The following LZTS3 variants were observed in gnomAD, a reference collection of about 807,000 sequenced individuals.
The protein encoded by LZTS3 is leucine zipper putative tumor suppressor 3.
LZTS3 carries 16 observed loss-of-function variants against 50.9 expected under a neutral mutation model. That is an observed-to-expected ratio of 0.31 (90% CI 0.21 to 0.48). The LOEUF is 0.48. LZTS3 is among the 20% of genes least tolerant of loss of function. LZTS3 has a pLI of 0.99. For missense variants in LZTS3, 816 were observed against 931.0 expected, an observed-to-expected ratio of 0.88 and a Z score of 1.61; for synonymous variants, 408 against 410.6, an observed-to-expected ratio of 0.99 and a Z score of 0.08.
intron 1 of LZTS3, among the ~76,000 whole-genome samples, chr20:3,170,037 G>C (rs985383929): frequency 6.6e-6 from 1 of 152,146 alleles, no homozygotes; most frequent in African/African-American, 2.4e-5. Context: ...AGGAGAAGGT[G>C]GGCCCTGAAG....
intron 1 of LZTS3, among the ~76,000 whole-genome samples, chr20:3,172,563 C>T (rs1600457590): frequency 1.3e-5 from 2 of 152,102 alleles, no homozygotes; most frequent in Admixed American, 1.3e-4. Context: ...TCCCTGATCT[C>T]CACCCCCCAG....
chr20:3,167,870 T>C lies in LZTS3; in HGVS notation c.-151A>G. 1 of 985,390 alleles carries C rather than the reference T, an allele frequency of 1.0e-6. No homozygotes were observed. The highest frequency in any genetic ancestry group is 1.2e-6 in the Non-Finnish European group (1 of 829,904). 61.0% of individuals were successfully genotyped at this position (985,390 alleles called of 1,614,324 possible). ...TCCGAGGCCCGGTCTGCAGGGGCCA[T>C]GTGCCTCACTCTCGCAGTCGGGGCT... On this transcript the variant is annotated 5_prime_UTR_variant, in exon 2 of 5. The change abolishes an upstream ATG in the 5' untranslated region. Transcript: ENST00000337576.
In LZTS3 at chr20:3,164,636, C is replaced by CCTCCA. The variant is rs2066779099; in HGVS notation, c.1839_1840insTGGAG (p.Glu614TrpfsTer10). The stretch of plus-strand genomic sequence containing the variant: ...CTCAGCTGCAGCTGCTTCTGGTACT[C>CCTCCA]GATCACCTTCTCCTTCTCCTCCAGC... On this transcript the variant is annotated frameshift_variant, in exon 5 of 5. Coordinates refer to ENST00000337576, the MANE Select transcript of LZTS3 (RefSeq NM_001365618.1). LOFTEE classifies it high-confidence loss of function. 14 of 1,613,106 alleles carry CCTCCA rather than the reference C, an allele frequency of 8.7e-6. No individual in the cohort carries two copies. Among genetic ancestry groups the CCTCCA allele is most frequent in the Non-Finnish European group, 1.2e-5 (14 of 1,179,522 alleles).
Position 3,165,805 on chromosome 20 carries a change from G to T in LZTS3, c.1015C>A (p.Arg339=), listed in dbSNP as rs1282850411. 1.3e-6 allele frequency: 2 copies of T among 1,597,456 alleles called. No homozygotes were observed. The highest frequency in any genetic ancestry group is 2.7e-5 in the African/African-American group (2 of 74,828). The part of the protein sequence containing the change: ...WEKEQEVAAL[R]RSLEQSEAAV... ...GCCTCGCTCTGCTCCAGGCTGCGCC[G>T]CAGAGCTGCCACCTCCTGCTCCTTC... The change falls in exon 4 of 5, where the codon CGG becomes AGG. Residue 339 remains arginine (R), a synonymous_variant. Coordinates refer to ENST00000337576, the MANE Select transcript of LZTS3 (RefSeq NM_001365618.1). This position sits in a 1 kb window ranked among gnomAD's most constrained non-coding sequence, Gnocchi z 5.0.
At position 3,165,195 on chromosome 20, in the gene LZTS3, G is replaced by C. The variant is rs1323303728; in HGVS notation, c.1324-43C>G. 10 of 1,463,684 alleles carry C rather than the reference G, an allele frequency of 6.8e-6. No homozygotes were observed. Among genetic ancestry groups the C allele is most frequent in the Non-Finnish European group, 9.1e-6 (10 of 1,102,086 alleles). The allele number at this position is 1,463,684 out of a possible 1,614,324, so 90.7% of individuals were successfully genotyped here. A position where few individuals can be genotyped will look rare whatever the true frequency, so the allele number is the denominator to read the frequency against. On this transcript the variant is annotated intron_variant, in intron 4 of 4. Transcript: ENST00000337576. This position sits in a 1 kb window ranked among gnomAD's most constrained non-coding sequence, Gnocchi z 5.0. ...AGAGGAGAAGCCAGGTAAAGGCAGAGCTCTGCTCACCCCAACCCAGCTACC... is the reference window on the plus strand; with the variant it reads ...AGAGGAGAAGCCAGGTAAAGGCAGACCTCTGCTCACCCCAACCCAGCTACC...
chr20:3,171,406 C>T (rs539691926), intron 1 of LZTS3, among the ~76,000 whole-genome samples: 62 of 152,206 alleles, frequency 4.1e-4, no homozygotes, highest in Admixed American at 7.8e-4. Flanking sequence ...GCCTAAAGAG[C>T]TTCTTGTCGT....
In LZTS3 at chr20:3,166,844, T is replaced by C. The variant is rs974679773; in HGVS notation, c.320A>G (p.Asp107Gly). ...CACGTTGCCACAGACATCGGTGTGG[T>C]CACTGCCCCGCAGCTCACCATTGAG... The part of the protein sequence containing the change: ...LYLNGELRGS[D>G]HTDVCGNVVG... The change falls in exon 3 of 5, where the codon GAC becomes GGC. Residue 107 changes from aspartate (D) to glycine (G), a missense_variant. Physicochemically the swap from Asp to Gly is moderately conservative, Grantham distance 94. This residue lies in a region of LZTS3 where 700 missense variants were observed against 769.4 expected (regional missense o/e 0.91). Transcript: ENST00000337576. The C allele has an allele frequency of 6.2e-6, 10 of 1,613,722 alleles. No homozygotes were observed. The highest frequency in any genetic ancestry group is 8.5e-6 in the Non-Finnish European group (10 of 1,180,022).
chr20:3,169,437 A>C (rs1409273781), intron 1 of LZTS3, among the ~76,000 whole-genome samples: 5 of 152,150 alleles, frequency 3.3e-5, no homozygotes, highest in Admixed American at 6.5e-5. Context: ...GAACTGGCAA[A>C]ATTTCATACA....
rs1171043853 is a variant in LZTS3, at chr20:3,165,683, G to C, written c.1137C>G (p.Ala379=). 1 of 1,581,844 alleles carries C rather than the reference G, an allele frequency of 6.3e-7. No homozygotes were observed. The highest frequency in any genetic ancestry group is 2.3e-5 in the East Asian group (1 of 43,810). Residue 379 remains alanine, a synonymous_variant, in exon 4 of 5, where the codon GCC becomes GCG. Coordinates refer to ENST00000337576, the MANE Select transcript of LZTS3 (RefSeq NM_001365618.1). The surrounding 1 kb of genome is among the most constrained non-coding windows in gnomAD (Gnocchi z 5.0). ...QGCSGKLQQV[A]RRAQRAQQGL... is the part of the protein sequence containing the mutation. ...CCTGCTGGGCGCGCTGGGCACGTCGGGCCACCTGCTGTAGCTTCCCGCTGC... is the reference window on the plus strand; with the variant it reads ...CCTGCTGGGCGCGCTGGGCACGTCGCGCCACCTGCTGTAGCTTCCCGCTGC...
Position 3,165,391 on chromosome 20 carries a change from ATCCCC to A in LZTS3, c.1323+101_1323+105del. The A allele has an allele frequency of 1.1e-6, 1 of 935,120 alleles. No homozygotes were observed. 57.9% of individuals were successfully genotyped at this position (935,120 alleles called of 1,614,324 possible). On this transcript the variant is annotated intron_variant, in intron 4 of 4. Transcript: ENST00000337576. This position sits in a 1 kb window ranked among gnomAD's most constrained non-coding sequence, Gnocchi z 5.0. The stretch of plus-strand genomic sequence containing the variant: ...GATTTTTGTCCCCCCTGCTCCTTTC[ATCCCC>A]CCCCCCATCCCACCGTTATGATAGT...
At position 3,165,933 on chromosome 20, in the gene LZTS3, T is replaced by G. The variant is rs2122172850; in HGVS notation, c.887A>C (p.His296Pro). ...GSSSSMGRPG[H>P]LGSGEGGGGG... The stretch of plus-strand genomic sequence containing the variant: ...ACCTCCGCCCTCCCCAGAGCCCAGG[T>G]GGCCTGGCCGCCCCATAGATGACGA... Residue 296 changes from histidine to proline, a missense_variant, in exon 4 of 5, where the codon CAC becomes CCC. His to Pro is a moderately conservative substitution (Grantham distance 77). This residue lies in a region of LZTS3 where 700 missense variants were observed against 769.4 expected (regional missense o/e 0.91). Transcript: ENST00000337576. The surrounding 1 kb of genome is among the most constrained non-coding windows in gnomAD (Gnocchi z 5.0). 1 of 1,611,950 alleles carries G rather than the reference T, an allele frequency of 6.2e-7. No individual in the cohort carries two copies. The highest frequency in any genetic ancestry group is 8.5e-7 in the Non-Finnish European group (1 of 1,179,996).
Position 3,167,054 on chromosome 20 carries a change from A to G in LZTS3, c.110T>C (p.Met37Thr). Residue 37 changes from methionine to threonine, a missense_variant, in exon 3 of 5, where the codon ATG (methionine) becomes ACG (threonine). Around this residue, in one of 3 missense-constraint regions of LZTS3, gnomAD observed 700 missense variants for 769.4 expected, o/e 0.91. Coordinates refer to ENST00000337576, the MANE Select transcript of LZTS3 (RefSeq NM_001365618.1). ...GGCCACCCCACTGCCCACGCTGCCC[A>G]TGGCCAGGCGGGGGTCCGGGGGTCC... ...ELGPPDPRLA[M>T]GSVGSGVAHA... is the part of the protein sequence containing the mutation. 1.9e-6 allele frequency: 3 copies of G among 1,567,456 alleles called. No homozygotes were observed. The highest frequency in any genetic ancestry group is 4.6e-5 in the East Asian group (2 of 43,850).
Position 3,167,468 on chromosome 20 carries a change from A to C in LZTS3, c.-19+270T>G, listed in dbSNP as rs771954377. The C allele has an allele frequency of 5.2e-5, 46 of 885,354 alleles. No individual in the cohort carries two copies. The Admixed American group carries it at 6.5e-4, about 13-fold the overall frequency. The allele number at this position is 885,354 out of a possible 1,614,324, so 54.8% of individuals were successfully genotyped here. A position where few individuals can be genotyped will look rare whatever the true frequency, so the allele number is the denominator to read the frequency against. ...TCAGCTCAGCTCAGCTCAGCGTTCC[A>C]TTCCTAAACTTCTGCCTTAGCCCCA... On this transcript the variant is annotated intron_variant, in intron 2 of 4. Coordinates refer to ENST00000337576, the MANE Select transcript of LZTS3 (RefSeq NM_001365618.1).
intron 2 of LZTS3, chr20:3,167,419 GC>G: frequency 9.4e-7 from 1 of 1,061,964 alleles, no homozygotes; most frequent in Middle Eastern, 3.5e-4. Context: ...CATGCACATA[GC>G]CCCCAGCGTT....
intron 1 of LZTS3, among the ~76,000 whole-genome samples, chr20:3,172,194 C>T (rs1437609196): frequency 6.6e-6 from 1 of 152,220 alleles, no homozygotes; most frequent in East Asian, 1.9e-4. Context: ...TGTCCAAATC[C>T]TTCCATGAGC....
chr20:3,172,959 C>T (rs73075051), intron 1 of LZTS3, among the ~76,000 whole-genome samples: 21,022 of 151,740 alleles, frequency 0.14, 1,841 homozygotes, highest in Non-Finnish European at 0.19. Flanking sequence ...GCTACTGGCT[C>T]TGATGAAGCC....
Position 3,164,777 on chromosome 20 carries a change from C to A in LZTS3, c.1699G>T (p.Glu567Ter). Residue 567 changes from glutamate to a stop codon, truncating the protein, a stop_gained, in exon 5 of 5, where the codon GAG (glutamate) becomes TAG (stop). Transcript: ENST00000337576. LOFTEE classifies it high-confidence loss of function. ...SVDGEAEAGG[E>*]SGTRALRREV... ...CGCCGCAGGGCCCGCGTCCCGCTCT[C>A]CCCGCCAGCCTCCGCCTCCCCGTCC... The A allele has an allele frequency of 1.3e-6, 2 of 1,526,382 alleles. No homozygotes were observed. The highest frequency in any genetic ancestry group is 1.8e-6 in the Non-Finnish European group (2 of 1,139,380). 94.6% of individuals were successfully genotyped at this position (1,526,382 alleles called of 1,614,324 possible).
chr20:3,167,065 G>A lies in LZTS3; in HGVS notation c.99C>T (p.Pro33=). 5 of 1,553,138 alleles carry A rather than the reference G, an allele frequency of 3.2e-6. No individual in the cohort carries two copies. Among genetic ancestry groups the A allele is most frequent in the South Asian group, 1.2e-5 (1 of 85,114 alleles). The change falls in exon 3 of 5, where the codon CCC becomes CCT. Residue 33 remains proline, a synonymous_variant. Coordinates refer to ENST00000337576, the MANE Select transcript of LZTS3 (RefSeq NM_001365618.1). ...TGCCCACGCTGCCCATGGCCAGGCGGGGGTCCGGGGGTCCAAGCTCGGAGG... is the reference window on the plus strand; with the variant it reads ...TGCCCACGCTGCCCATGGCCAGGCGAGGGTCCGGGGGTCCAAGCTCGGAGG... ...PRPSELGPPD[P]RLAMGSVGSG... is the part of the protein sequence containing the mutation.
At chr20:3,170,844 C>T (rs1271943092) in intron 1 of LZTS3, among the ~76,000 whole-genome samples, 3 of 152,096 alleles carry the variant, frequency 2.0e-5, no homozygotes, top group African/African-American at 7.2e-5. Context: ...AAAGGCAGTC[C>T]ACAAGGCTAG....
Sources: allele counts gnomAD v4.1 joint callset (sites outside exome capture counted in the v4.1 genomes callset), GRCh38; gene constraint gnomAD v4.1.1; regional missense constraint gnomAD v4.1.1; non-coding constraint Gnocchi (gnomAD v3.1); transcripts MANE v1.5; gene names NCBI Gene and HGNC (gene_info 2026-07-23, HGNC 2026-07-21).